BBS1: variants seen among roughly 807,000 people sequenced by gnomAD.
BBS1 encodes BBSome complex member BBS1.
Under a neutral mutation model 73.9 loss-of-function variants are expected in BBS1, and 60 were observed. That is an observed-to-expected ratio of 0.81 (90% CI 0.66 to 1.01). The LOEUF is 1.01. Ranked by LOEUF, BBS1 falls within the 50% of genes least tolerant of loss-of-function variation. The pLI is 0.00. For missense variants in BBS1, 718 were observed against 770.3 expected, an observed-to-expected ratio of 0.93 and a Z score of 0.80; for synonymous variants, 283 against 317.4, an observed-to-expected ratio of 0.89 and a Z score of 1.15.
chr11:66,529,098 T>C (rs74869459), intron 13 of BBS1: 235,897 of 984,486 alleles, frequency 0.24, 28,554 homozygotes, highest in East Asian at 0.27. Context: ...TGTGAAACTC[T>C]TGAATGGCAG....
chr11:66,522,919 T>A, intron 9 of BBS1: 2 of 346,254 alleles, frequency 5.8e-6, no homozygotes, highest in South Asian at 4.5e-5. Context: ...AAGGAACCAG[T>A]TGGTGAGAAA....
At position 66,514,682 on chromosome 11, in the gene BBS1, A is replaced by G; in HGVS notation, c.432+4A>G. The G allele has an allele frequency of 1.9e-6, 3 of 1,610,130 alleles. No homozygotes were observed. The highest frequency in any genetic ancestry group is 1.1e-5 in the South Asian group (1 of 91,040). The stretch of plus-strand genomic sequence containing the variant: ...CCTTTGGAACCAGGCCAAAGAGGTA[A>G]ATAAATAACATGGGAGTTGGGAACC... On this transcript the variant is annotated splice_donor_region_variant and intron_variant, in intron 4 of 16. Coordinates refer to ENST00000318312, the MANE Select transcript of BBS1 (RefSeq NM_024649.5).
intron 13 of BBS1, 78 bp from the exon 14 acceptor site, chr11:66,529,741 G>A (rs942337442): frequency 6.4e-7 from 1 of 1,566,340 alleles, no homozygotes; most frequent in Admixed American, 1.7e-5. Flanking sequence ...ACACCAACCT[G>A]AGCAGGAGTG....
intron 8 of BBS1, chr11:66,520,936 CT>C (rs1174338350): frequency 3.7e-5 from 14 of 373,930 alleles, no homozygotes; most frequent in Non-Finnish European, 6.7e-5. Flanking sequence ...ACAGGCTGGT[CT>C]TGAACTCCTG....
intron 9 of BBS1, chr11:66,521,611 A>G (rs1856220461): frequency 5.7e-6 from 3 of 529,544 alleles, no homozygotes; most frequent in Non-Finnish European, 6.8e-6. Flanking sequence ...GAGTGATCAG[A>G]AATGAGAGGA....
At chr11:66,530,049 C>G in intron 14 of BBS1, 97 bp downstream of exon 14, 2 of 1,508,704 alleles carry the variant, frequency 1.3e-6, no homozygotes, top group East Asian at 2.5e-5. Flanking sequence ...AGAGCCAATT[C>G]CAAGCCAACT....
chr11:66,512,054 GTATATATATGTA>G (rs1298610428), intron 3 of BBS1, among the ~76,000 whole-genome samples: 1 of 145,414 alleles, frequency 6.9e-6, no homozygotes, highest in Non-Finnish European at 1.5e-5. Context: ...ATATATATGT[GTATATATATGTA>G]TATATATATA....
chr11:66,530,317 T>C (rs1856718978), intron 14 of BBS1, among the ~76,000 whole-genome samples: 1 of 151,824 alleles, frequency 6.6e-6, no homozygotes, highest in African/African-American at 2.4e-5. Flanking sequence ...CAGCCCAACG[T>C]GTTAGGACTG....
intron 7 of BBS1, among the ~76,000 whole-genome samples, chr11:66,519,116 G>A (rs1856123234): frequency 6.6e-6 from 1 of 152,170 alleles, no homozygotes; most frequent in Admixed American, 6.6e-5. Flanking sequence ...CGGGCATGGT[G>A]GCTCATGCAT....
At position 66,513,068 on chromosome 11, in the gene BBS1, A is replaced by T. The variant is rs1475574700; in HGVS notation, c.160-1338A>T. 5.3e-5 allele frequency among the ~76,000 whole-genome samples: 8 copies of T among 152,120 alleles called. 1 individual carries two copies. In the East Asian group the frequency reaches 1.3e-3, roughly 26 times the overall value. On this transcript the variant is annotated intron_variant, in intron 3 of 16. Coordinates refer to ENST00000318312, the MANE Select transcript of BBS1 (RefSeq NM_024649.5). ...CCCAGCATCTAGTCCAGTACCTGAC[A>T]TAAAGTAGGTACTTGATAAATATTT... is the stretch of plus-strand genomic sequence containing the variant.
At position 66,515,942 on chromosome 11, in the gene BBS1, C is replaced by T; in HGVS notation, c.591+9C>T. ...ACTCCATCAAGCGGCAGGTAATACCCCCTTCTCTTTTTATTTCCCTGTAAA... is the reference window on the plus strand; with the variant it reads ...ACTCCATCAAGCGGCAGGTAATACCTCCTTCTCTTTTTATTTCCCTGTAAA... On this transcript the variant is annotated intron_variant, in intron 7 of 16. Coordinates refer to ENST00000318312, the MANE Select transcript of BBS1 (RefSeq NM_024649.5). The T allele has an allele frequency of 6.2e-7, 1 of 1,613,772 alleles. No homozygotes were observed.
Position 66,532,384 on chromosome 11 carries a change from C to T in BBS1, c.*347C>T. The T allele has an allele frequency of 3.3e-6, 1 of 301,348 alleles. No homozygotes were observed. Among genetic ancestry groups the T allele is most frequent in the Non-Finnish European group, 6.4e-6 (1 of 156,992 alleles). 18.7% of individuals were successfully genotyped at this position (301,348 alleles called of 1,614,324 possible). A position where few individuals can be genotyped will look rare whatever the true frequency, so the allele number is the denominator to read the frequency against. On this transcript the variant is annotated 3_prime_UTR_variant, in exon 17 of 17. Coordinates refer to ENST00000318312, the MANE Select transcript of BBS1 (RefSeq NM_024649.5). The stretch of plus-strand genomic sequence containing the variant: ...GGACAGGCCCAGCCTTTCTCCACTG[C>T]CACGTCCCTCATGCACATCACTCAT...
chr11:66,525,367 AAAAC>A (rs1306475464), intron 11 of BBS1, among the ~76,000 whole-genome samples: 2 of 152,008 alleles, frequency 1.3e-5, no homozygotes, highest in Non-Finnish European at 2.9e-5. Context: ...TCAAAACAAA[AAAAC>A]AAAACAACAA....
intron 7 of BBS1, among the ~76,000 whole-genome samples, chr11:66,516,732 T>G (rs942674103): frequency 3.9e-5 from 6 of 151,938 alleles, no homozygotes; most frequent in Non-Finnish European, 5.9e-5. Flanking sequence ...TTTATTTTTA[T>G]TTTTTGTAGA....
intron 13 of BBS1, chr11:66,529,058 G>A (rs1856645576): frequency 1.0e-6 from 1 of 982,418 alleles, no homozygotes; most frequent in Non-Finnish European, 1.2e-6. Flanking sequence ...AAAATAAATT[G>A]TAAAAGTACT....
chr11:66,529,828 G>T lies in BBS1; in HGVS notation c.1349G>T (p.Arg450Leu). 1.2e-6 allele frequency: 2 copies of T among 1,611,024 alleles called. No individual in the cohort carries two copies. The highest frequency in any genetic ancestry group is 8.5e-7 in the Non-Finnish European group (1 of 1,179,956). ...GGACCCTTCTCCACAGCCATGCACCGGGCCTTCCAGACAGACCTATACCTG... is the reference window on the plus strand; with the variant it reads ...GGACCCTTCTCCACAGCCATGCACCTGGCCTTCCAGACAGACCTATACCTG... Reference protein sequence around the residue: ...REREAGTAMHRAFQTDLYLLR... With the variant: ...REREAGTAMHLAFQTDLYLLR... Residue 450 changes from arginine to leucine, a missense_variant, in exon 14 of 17, where the codon CGG (arginine) becomes CTG (leucine). Physicochemically the swap from Arg to Leu is moderately radical, Grantham distance 102. Transcript: ENST00000318312.
chr11:66,520,587 A>C (rs1414367107), intron 8 of BBS1: 1 of 156,346 alleles, frequency 6.4e-6, no homozygotes, highest in Admixed American at 6.1e-5. Context: ...GCCTGACCCC[A>C]CATCAGCCTT....
chr11:66,519,465 A>G, intron 7 of BBS1, 152 bp from the exon 8 acceptor site: 6 of 1,096,862 alleles, frequency 5.5e-6, no homozygotes, highest in African/African-American at 1.6e-5. Flanking sequence ...ATTTGTTGCA[A>G]TAAACACCTT....
Position 66,515,731 on chromosome 11 carries a change from G to A in BBS1, c.518G>A (p.Arg173Lys), listed in dbSNP as rs1359461457. ...GAGCCTTTGTCCATCCAGTCACTCA[G>A]GTAAGGACCCTGTGGAGGGCCAGGG... ...AEEPLSIQSL[R>K]FLQLELSEME... The change falls in exon 6 of 17, where the codon AGG becomes AAG. Residue 173 changes from arginine to lysine, a missense_variant and splice_region_variant. Physicochemically the swap from Arg to Lys is conservative, Grantham distance 26. Transcript: ENST00000318312. 1.2e-6 allele frequency: 2 copies of A among 1,614,192 alleles called. No individual in the cohort carries two copies. The highest frequency in any genetic ancestry group is 1.1e-5 in the South Asian group (1 of 91,082).
Sources: gnomAD v4.1 joint callset for allele counts (sites outside exome capture counted in the v4.1 genomes callset) on GRCh38, gnomAD v4.1.1 for gene constraint, MANE v1.5 for transcripts, NCBI Gene and HGNC (gene_info 2026-07-23, HGNC 2026-07-21) for gene names.